The following GNG7 variants were observed in gnomAD, a reference collection of about 807,000 sequenced individuals.
GNG7 encodes the protein G protein subunit gamma 7.
A neutral mutation model predicts 4.0 loss-of-function variants in GNG7; 1 was observed. The observed-to-expected ratio is 0.25, with a 90% CI of 0.09 to 1.18. The LOEUF is 1.18. GNG7 is among the 50% of genes most tolerant of loss of function. The pLI, the probability that GNG7 is intolerant of heterozygous loss-of-function variation, is 0.50. For missense variants in GNG7, 86 were observed against 91.9 expected (o/e 0.94, Z 0.26); for synonymous variants, 34 against 36.9 (o/e 0.92, Z 0.29).
At chr19:2,605,714 A>C (rs558660073) in intron 2 of GNG7, among the ~76,000 whole-genome samples, 1 of 150,092 alleles carries the variant, frequency 6.7e-6, no homozygotes, top group East Asian at 2.0e-4. Context: ...GGGTTTCACC[A>C]TGTTGGCCAG....
At chr19:2,669,262 C>T (rs1007154160) in intron 1 of GNG7, among the ~76,000 whole-genome samples, 3 of 152,132 alleles carry the variant, frequency 2.0e-5, no homozygotes, top group Non-Finnish European at 2.9e-5. Flanking sequence ...GAGGCTAAGG[C>T]GGGCAGATCA....
intron 1 of GNG7, among the ~76,000 whole-genome samples, chr19:2,676,324 C>T (rs1179994256): frequency 2.0e-5 from 3 of 152,170 alleles, no homozygotes; most frequent in East Asian, 1.9e-4. Flanking sequence ...AGAGACCCTC[C>T]CCTAGGCACC....
chr19:2,659,471 T>C (rs1310500475), intron 1 of GNG7, among the ~76,000 whole-genome samples: 10 of 150,054 alleles, frequency 6.7e-5, no homozygotes, highest in South Asian at 2.1e-4. Context: ...TTGCCTGTAA[T>C]CCCAGCTACT....
chr19:2,554,647 C>T (rs1367853559), intron 3 of GNG7, among the ~76,000 whole-genome samples: 1 of 151,298 alleles, frequency 6.6e-6, no homozygotes, highest in African/African-American at 2.4e-5. Flanking sequence ...CTCCATCTCC[C>T]AGGTTCAAGC....
chr19:2,696,298 GAAAGAA>G (rs1568287849), intron 1 of GNG7, among the ~76,000 whole-genome samples: 16 of 90,910 alleles, frequency 1.8e-4, no homozygotes, highest in Middle Eastern at 4.8e-3. Flanking sequence ...GAGAGAGAAA[GAAAGAA>G]AGAAAGAAAG....
At chr19:2,686,546 T>C (rs921036675) in intron 1 of GNG7, among the ~76,000 whole-genome samples, 1 of 152,078 alleles carries the variant, frequency 6.6e-6, no homozygotes, top group African/African-American at 2.4e-5. Flanking sequence ...TCTCCAGCAC[T>C]GGGATCCCGG....
At chr19:2,575,889 G>A (rs1001236784) in intron 2 of GNG7, among the ~76,000 whole-genome samples, 6 of 139,970 alleles carry the variant, frequency 4.3e-5, no homozygotes, top group African/African-American at 1.3e-4. Flanking sequence ...GCAGGCACAC[G>A]CAGACACGCA....
At chr19:2,603,037 C>T (rs948720821) in intron 2 of GNG7, among the ~76,000 whole-genome samples, 1 of 144,346 alleles carries the variant, frequency 6.9e-6, no homozygotes, top group Non-Finnish European at 1.5e-5. Flanking sequence ...CCTTCCTTCC[C>T]TTTCTTTCTT....
chr19:2,531,303 C>CAAAAAAA (rs58133235), intron 3 of GNG7, among the ~76,000 whole-genome samples: 5 of 95,074 alleles, frequency 5.3e-5, no homozygotes, highest in Admixed American at 2.4e-4. Context: ...GATTCCGTCT[C>CAAAAAAA]AAAAAAAAAA....
At chr19:2,573,287 T>G (rs1980206969) in intron 2 of GNG7, among the ~76,000 whole-genome samples, 2 of 151,664 alleles carry the variant, frequency 1.3e-5, no homozygotes, top group Non-Finnish European at 2.9e-5. Context: ...CCTCCCAAAG[T>G]GCTGGGATTA....
chr19:2,582,009 A>G (rs1980518322), intron 2 of GNG7, among the ~76,000 whole-genome samples: 1 of 152,200 alleles, frequency 6.6e-6, no homozygotes, highest in Non-Finnish European at 1.5e-5. Context: ...CAAAGTGAAA[A>G]AGCAAAATGG....
Position 2,512,772 on chromosome 19 carries a change from T to G in GNG7, c.*2250A>C. 3 of 426,986 alleles carry G rather than the reference T, an allele frequency of 7.0e-6. No individual in the cohort carries two copies. The highest frequency in any genetic ancestry group is 9.7e-5 in the South Asian group (1 of 10,270). The allele number at this position is 426,986 out of a possible 1,614,324, so 26.4% of individuals were successfully genotyped here. ...TTAAGGAAAAACGGGGTGGGGTGTG[T>G]TTGTTCCCAGTTACCAAGATGGCTT... On this transcript the variant is annotated 3_prime_UTR_variant, in exon 5 of 5. Coordinates refer to ENST00000382159, the MANE Select transcript of GNG7 (RefSeq NM_052847.3). This position sits in a 1 kb window ranked among gnomAD's most constrained non-coding sequence, Gnocchi z 4.7.
In GNG7 at chr19:2,520,467, G is replaced by A. The variant is rs1978301986; in HGVS notation, c.81+141C>T. 5.1e-5 allele frequency: 30 copies of A among 590,910 alleles called. 1 individual carries two copies. The South Asian group carries it at 5.8e-4, about 11-fold the overall frequency. 36.6% of individuals were successfully genotyped at this position (590,910 alleles called of 1,614,324 possible). A position where few individuals can be genotyped will look rare whatever the true frequency, so the allele number is the denominator to read the frequency against. ...GCCGAGGAAATGGAGGCTCAGAGAG[G>A]TTAAGGGAGGGCCTCAAGGTCACAC... On this transcript the variant is annotated intron_variant, in intron 4 of 4. Coordinates refer to ENST00000382159, the MANE Select transcript of GNG7 (RefSeq NM_052847.3).
chr19:2,593,306 A>T (rs75362488), intron 2 of GNG7, among the ~76,000 whole-genome samples: 22,251 of 150,394 alleles, frequency 0.15, 2,291 homozygotes, highest in East Asian at 0.52. Flanking sequence ...TTCCTTTTTT[A>T]AAAAAAAAAC....
intron 2 of GNG7, among the ~76,000 whole-genome samples, chr19:2,623,235 G>A (rs905313940): frequency 2.0e-5 from 3 of 152,092 alleles, no homozygotes; most frequent in Non-Finnish European, 4.4e-5. Flanking sequence ...TGGGAGGATC[G>A]CTTGAGCATG....
rs961483682 is a variant in GNG7, at chr19:2,686,967, T to A, written c.-135+15679A>T. Among the ~76,000 whole-genome samples, 129 of 151,816 alleles carry A rather than the reference T, an allele frequency of 8.5e-4. 4 individuals carry two copies. The highest frequency in any genetic ancestry group is 3.1e-4 in the Non-Finnish European group (21 of 67,888). On this transcript the variant is annotated intron_variant, in intron 1 of 4. Transcript: ENST00000382159. ...CGGGGTTTCACCGTGTTAGCCAGGATGGTCTCGATCTCCTGACCTCGTGAT... is the reference window on the plus strand; with the variant it reads ...CGGGGTTTCACCGTGTTAGCCAGGAAGGTCTCGATCTCCTGACCTCGTGAT...
Position 2,552,072 on chromosome 19 carries a change from T to C in GNG7, c.-38+3077A>G, listed in dbSNP as rs116775794. Among the ~76,000 whole-genome samples the C allele has an allele frequency of 4.9e-3, 752 of 152,268 alleles. 13 individuals are homozygous for C. Among genetic ancestry groups the C allele is most frequent in the African/African-American group, 0.017 (719 of 41,546 alleles). On this transcript the variant is annotated intron_variant, in intron 3 of 4. Transcript: ENST00000382159. Reference sequence around the variant, plus strand: ...CATCAGCAGTGGCATCAGATTCTCATAGAAGCGTGAACCCAATTGTGAACT... The same window carrying C: ...CATCAGCAGTGGCATCAGATTCTCACAGAAGCGTGAACCCAATTGTGAACT...
rs747906437 is a variant in GNG7 at position 2,609,425 on chromosome 19, C to A, written c.-78+36799G>T. Among the ~76,000 whole-genome samples the A allele has an allele frequency of 5.9e-5, 9 of 152,176 alleles. No homozygotes were observed. The highest frequency in any genetic ancestry group is 1.3e-4 in the Non-Finnish European group (9 of 68,030). ...CAGTGTGAATACATTGCTTGCCTGACCCTGGTCCTGCCCTGGGATTTGGGA... is the reference window on the plus strand; with the variant it reads ...CAGTGTGAATACATTGCTTGCCTGAACCTGGTCCTGCCCTGGGATTTGGGA... On this transcript the variant is annotated intron_variant, in intron 2 of 4. Transcript: ENST00000382159. The surrounding 1 kb of genome is among the most constrained non-coding windows in gnomAD (Gnocchi z 4.4).
intron 2 of GNG7, among the ~76,000 whole-genome samples, chr19:2,603,352 G>C (rs989958202): frequency 6.6e-5 from 10 of 152,160 alleles, no homozygotes; most frequent in African/African-American, 2.2e-4. Flanking sequence ...GGCGTGAGCC[G>C]CCGTGCCCGG....
Sources: allele counts gnomAD v4.1 joint callset (sites outside exome capture counted in the v4.1 genomes callset), GRCh38; gene constraint gnomAD v4.1.1; non-coding constraint Gnocchi (gnomAD v3.1); transcripts MANE v1.5; gene names NCBI Gene and HGNC (gene_info 2026-07-23, HGNC 2026-07-21).